DTNA: variants seen among roughly 807,000 people sequenced by gnomAD.
DTNA encodes the protein dystrophin-related protein 3.
A neutral mutation model predicts 100.7 loss-of-function variants in DTNA; 43 were observed. The ratio of observed to expected loss-of-function variants is 0.43; its 90% CI spans 0.33 to 0.55. The LOEUF (loss-of-function observed/expected upper bound fraction) is 0.55. Ranked by LOEUF, DTNA falls within the 20% of genes least tolerant of loss-of-function variation. The probability of loss-of-function intolerance (pLI) is 0.04; values close to 1 mark genes in which losing one functional copy is unlikely to be tolerated. For missense variants in DTNA, 798 were observed against 953.9 expected (o/e 0.84, Z 2.15); for synonymous variants, 349 against 347.9 (o/e 1.00, Z -0.04).
intron 1 of DTNA, among the ~76,000 whole-genome samples, chr18:34,558,881 A>G (rs2046379046): frequency 6.6e-6 from 1 of 152,238 alleles, no homozygotes; most frequent in African/African-American, 2.4e-5. Flanking sequence ...ATGCTAAGAG[A>G]TGAGGCCAGT....
chr18:34,545,411 T>A (rs2044673003), intron 1 of DTNA, among the ~76,000 whole-genome samples: 1 of 152,132 alleles, frequency 6.6e-6, no homozygotes, highest in South Asian at 2.1e-4. Context: ...ATTATTACAG[T>A]TTTAAAATTT....
chr18:34,562,616 G>A (rs2046738953), intron 1 of DTNA, among the ~76,000 whole-genome samples: 1 of 152,160 alleles, frequency 6.6e-6, no homozygotes, highest in Non-Finnish European at 1.5e-5. Context: ...GCAAGTAATA[G>A]GGACTCTTAC....
intron 2 of DTNA, among the ~76,000 whole-genome samples, chr18:34,758,548 G>A (rs2092933732): frequency 6.6e-6 from 1 of 152,172 alleles, no homozygotes; most frequent in South Asian, 2.1e-4. Flanking sequence ...TAGGCCATCT[G>A]TTTGCTAATT....
chr18:34,807,696 G>C (rs2095395747), intron 5 of DTNA, among the ~76,000 whole-genome samples: 1 of 152,046 alleles, frequency 6.6e-6, no homozygotes, highest in South Asian at 2.1e-4. Flanking sequence ...GCCAAAGACA[G>C]CCAGGATTCA....
intron 17 of DTNA, chr18:34,868,086 G>A (rs2096726198): frequency 1.2e-6 from 1 of 867,912 alleles, no homozygotes; most frequent in African/African-American, 1.9e-5. Context: ...AAAAACTAAA[G>A]AAAATAAAAT....
chr18:34,788,419 C>G (rs552186531), intron 3 of DTNA, among the ~76,000 whole-genome samples: 96 of 151,972 alleles, frequency 6.3e-4, no homozygotes, highest in African/African-American at 2.1e-3. Flanking sequence ...TCTCATTTGA[C>G]CCCCCCAAAA....
chr18:34,727,805 T>C (rs2087058282), intron 1 of DTNA, among the ~76,000 whole-genome samples: 1 of 152,172 alleles, frequency 6.6e-6, no homozygotes, highest in Admixed American at 6.5e-5. Context: ...CCTCAAGTGA[T>C]CCACCCACCT....
intron 3 of DTNA, among the ~76,000 whole-genome samples, chr18:34,784,861 T>G (rs2094454260): frequency 6.6e-6 from 1 of 152,168 alleles, no homozygotes; most frequent in East Asian, 1.9e-4. Context: ...TATATGCATA[T>G]GGCAATCTTT....
intron 1 of DTNA, among the ~76,000 whole-genome samples, chr18:34,666,268 T>C (rs1197638805): frequency 1.1e-4 from 17 of 150,972 alleles, no homozygotes; most frequent in Non-Finnish European, 1.8e-4. Flanking sequence ...TTGATGGGGT[T>C]GTTTTTTTTT....
chr18:34,532,486 A>G (rs1031413570), intron 1 of DTNA, among the ~76,000 whole-genome samples: 11 of 152,118 alleles, frequency 7.2e-5, no homozygotes, highest in African/African-American at 2.7e-4. Context: ...TTGCAACTGC[A>G]GAATTTGGTA....
chr18:34,669,112 G>A (rs1289471028), intron 1 of DTNA, among the ~76,000 whole-genome samples: 1 of 152,186 alleles, frequency 6.6e-6, no homozygotes, highest in Non-Finnish European at 1.5e-5. Context: ...GGGGGCTCCT[G>A]TATTGGGTGC....
At chr18:34,529,234 G>T (rs1260310486) in intron 1 of DTNA, among the ~76,000 whole-genome samples, 1 of 151,978 alleles carries the variant, frequency 6.6e-6, no homozygotes, top group African/African-American at 2.4e-5. Flanking sequence ...GCTGACATAT[G>T]CTCTGCCTTT....
chr18:34,845,021 T>C (rs1306740979), intron 13 of DTNA, among the ~76,000 whole-genome samples: 1 of 152,204 alleles, frequency 6.6e-6, no homozygotes, highest in Non-Finnish European at 1.5e-5. Context: ...CATAGTCTTG[T>C]AGCAAGATTA....
intron 1 of DTNA, among the ~76,000 whole-genome samples, chr18:34,712,328 T>G (rs969764061): frequency 2.6e-5 from 4 of 152,088 alleles, no homozygotes; most frequent in African/African-American, 9.7e-5. Flanking sequence ...TAAAAAGTAT[T>G]TTTATTTCAC....
intron 1 of DTNA, among the ~76,000 whole-genome samples, chr18:34,539,752 A>G (rs888505646): frequency 1.2e-4 from 18 of 151,890 alleles, no homozygotes; most frequent in Non-Finnish European, 1.6e-4. Context: ...GACTAAAGTG[A>G]TTTAGGAATT....
intron 1 of DTNA, chr18:34,663,044 A>G (rs983664219): frequency 5.9e-5 from 9 of 152,248 alleles, no homozygotes; most frequent in African/African-American, 1.4e-4. Context: ...CTCTACTGGT[A>G]GTAATATTTC....
intron 15 of DTNA, among the ~76,000 whole-genome samples, chr18:34,856,472 A>T (rs141815140): frequency 2.6e-5 from 4 of 152,340 alleles, no homozygotes; most frequent in African/African-American, 9.6e-5. Context: ...TGGTGGAGCC[A>T]GTCAGGGTTA....
chr18:34,837,154 T>G (rs1192977968), intron 11 of DTNA, among the ~76,000 whole-genome samples: 1 of 152,176 alleles, frequency 6.6e-6, no homozygotes, highest in Admixed American at 6.6e-5. Flanking sequence ...TTTTCTATTT[T>G]CCATGAAGAA....
At chr18:34,804,340 C>T (rs1235354988) in intron 4 of DTNA, among the ~76,000 whole-genome samples, 2 of 152,048 alleles carry the variant, frequency 1.3e-5, no homozygotes, top group Non-Finnish European at 2.9e-5. Flanking sequence ...GGGCAAAAGG[C>T]GGCCAGAGGG....
Sources: gnomAD v4.1 joint callset for allele counts (sites outside exome capture counted in the v4.1 genomes callset) on GRCh38, gnomAD v4.1.1 for gene constraint, MANE v1.5 for transcripts, NCBI Gene and HGNC (gene_info 2026-07-23, HGNC 2026-07-21) for gene names.